The following PTPRG variants were observed in gnomAD, a reference collection of about 807,000 sequenced individuals.
PTPRG encodes the protein protein tyrosine phosphatase receptor type G, also known as receptor-type tyrosine-protein phosphatase gamma.
PTPRG carries 102 observed loss-of-function variants against 165.3 expected under a neutral mutation model. The ratio of observed to expected loss-of-function variants is 0.62; its 90% CI spans 0.53 to 0.73. The LOEUF (loss-of-function observed/expected upper bound fraction) is 0.73, where lower values mean the gene tolerates loss of function less well. Ranked by LOEUF, PTPRG falls within the 30% of genes least tolerant of loss-of-function variation. PTPRG has a pLI of 0.00. For synonymous variants in PTPRG, 675 were observed against 669.5 expected, an observed-to-expected ratio of 1.01 and a Z score of -0.13; for missense variants, 1,866 against 1,861.4, an observed-to-expected ratio of 1.00 and a Z score of -0.05.
intron 6 of PTPRG, among the ~76,000 whole-genome samples, chr3:62,135,828 A>G (rs1703688907): frequency 6.6e-6 from 1 of 152,170 alleles, no homozygotes; most frequent in East Asian, 1.9e-4. Context: ...GGCAGCTGTA[A>G]GGAAGTCTTT....
chr3:61,898,175 C>G (rs1001203588), intron 2 of PTPRG, among the ~76,000 whole-genome samples: 2 of 152,176 alleles, frequency 1.3e-5, no homozygotes, highest in African/African-American at 4.8e-5. Context: ...AGTATGCTAG[C>G]TATACTTACG....
intron 2 of PTPRG, among the ~76,000 whole-genome samples, chr3:61,886,464 T>C (rs1461860973): frequency 1.3e-5 from 2 of 152,206 alleles, no homozygotes; most frequent in Admixed American, 6.5e-5. Flanking sequence ...ATCGTTGCAC[T>C]GATCAGTGAC....
intron 1 of PTPRG, among the ~76,000 whole-genome samples, chr3:61,641,670 C>A (rs1702066018): frequency 6.6e-6 from 1 of 152,088 alleles, no homozygotes; most frequent in African/African-American, 2.4e-5. Context: ...TATATAGAAA[C>A]CTAATCCAGG....
At chr3:62,033,833 CCT>C (rs1699853692) in intron 4 of PTPRG, among the ~76,000 whole-genome samples, 1 of 151,818 alleles carries the variant, frequency 6.6e-6, no homozygotes, top group African/African-American at 2.4e-5. Context: ...AGTGGTGTGA[CCT>C]CAGCTCACTG....
At chr3:61,877,722 A>G (rs929060630) in intron 2 of PTPRG, among the ~76,000 whole-genome samples, 1 of 152,244 alleles carries the variant, frequency 6.6e-6, no homozygotes, top group Non-Finnish European at 1.5e-5. Context: ...ATGACAGTAA[A>G]AAGGAGAAAA....
intron 2 of PTPRG, among the ~76,000 whole-genome samples, chr3:61,844,734 C>G (rs1333539788): frequency 6.6e-6 from 1 of 151,850 alleles, no homozygotes; most frequent in East Asian, 1.9e-4. Flanking sequence ...AACTCCTGGC[C>G]TCAAGCAGTC....
intron 2 of PTPRG, among the ~76,000 whole-genome samples, chr3:61,804,241 A>C (rs1362896575): frequency 3.3e-5 from 5 of 152,156 alleles, no homozygotes; most frequent in Non-Finnish European, 7.4e-5. Context: ...ATTGTTGTTT[A>C]AGATTGATGG....
intron 5 of PTPRG, among the ~76,000 whole-genome samples, chr3:62,112,231 A>G (rs1702694824): frequency 6.6e-6 from 1 of 151,964 alleles, no homozygotes. Flanking sequence ...CAGCCTCCTG[A>G]GTAGCTGGGA....
At chr3:61,573,477 G>T (rs1700106450) in intron 1 of PTPRG, among the ~76,000 whole-genome samples, 1 of 152,136 alleles carries the variant, frequency 6.6e-6, no homozygotes, top group South Asian at 2.1e-4. Context: ...GTACAATAGA[G>T]TGGCTAGCTT....
chr3:62,109,105 A>G (rs1383877840), intron 5 of PTPRG, among the ~76,000 whole-genome samples: 2 of 152,222 alleles, frequency 1.3e-5, no homozygotes, highest in African/African-American at 4.8e-5. Context: ...TGTTTTAGAC[A>G]TGAAGTCTTT....
chr3:61,644,916 C>T (rs1043568075), intron 1 of PTPRG, among the ~76,000 whole-genome samples: 8 of 152,254 alleles, frequency 5.3e-5, no homozygotes, highest in South Asian at 2.1e-4. Flanking sequence ...GCTTTATGGT[C>T]GACATAACCC....
intron 1 of PTPRG, among the ~76,000 whole-genome samples, chr3:61,665,896 T>C (rs2107045537): frequency 6.6e-6 from 1 of 152,296 alleles, no homozygotes; most frequent in East Asian, 1.9e-4. Context: ...TGGAATTTTA[T>C]GTATGAATTT....
At chr3:62,081,669 A>G (rs958361135) in intron 5 of PTPRG, among the ~76,000 whole-genome samples, 16 of 152,178 alleles carry the variant, frequency 1.1e-4, no homozygotes, top group Non-Finnish European at 2.2e-4. Flanking sequence ...GTAAGCACAC[A>G]CGTGCTTATA....
intron 2 of PTPRG, among the ~76,000 whole-genome samples, chr3:61,886,983 A>G (rs1285950900): frequency 6.6e-6 from 1 of 151,400 alleles, no homozygotes; most frequent in East Asian, 2.0e-4. Flanking sequence ...TGGACGATCA[A>G]GCAAACCAGT....
chr3:61,964,026 C>T (rs1463104459), intron 2 of PTPRG, among the ~76,000 whole-genome samples: 1 of 152,132 alleles, frequency 6.6e-6, no homozygotes, highest in Non-Finnish European at 1.5e-5. Context: ...CTATGCAGTA[C>T]CTAGCAGCAG....
chr3:62,016,433 C>T (rs575411966), intron 4 of PTPRG, among the ~76,000 whole-genome samples: 3 of 152,052 alleles, frequency 2.0e-5, no homozygotes, highest in South Asian at 2.1e-4. Context: ...CCCAAAGTGC[C>T]GGGATTACAG....
intron 26 of PTPRG, 107 bp from the exon 27 acceptor site, chr3:62,281,456 A>T: frequency 2.0e-6 from 2 of 1,002,008 alleles, no homozygotes; most frequent in Non-Finnish European, 2.9e-6. Context: ...AATTCAGTTT[A>T]AACGATGGCT....
chr3:62,228,702 C>G lies in PTPRG; in HGVS notation c.2289-2523C>G, dbSNP rs1700824388. On this transcript the variant is annotated intron_variant, in intron 13 of 29. Transcript: ENST00000474889. The surrounding 1 kb of genome is among the most constrained non-coding windows in gnomAD (Gnocchi z 4.1). ...CACTGTTAACGGGTAGAATCAGATTCTTTTCTGGAAGATTCTACATGTACA... is the reference window on the plus strand; with the variant it reads ...CACTGTTAACGGGTAGAATCAGATTGTTTTCTGGAAGATTCTACATGTACA... Among the ~76,000 whole-genome samples, 1 of 152,126 alleles carries G rather than the reference C, an allele frequency of 6.6e-6. No homozygotes were observed. The highest frequency in any genetic ancestry group is 2.1e-4 in the South Asian group (1 of 4,822).
intron 4 of PTPRG, among the ~76,000 whole-genome samples, chr3:62,044,043 C>G (rs1455266609): frequency 2.0e-5 from 3 of 152,162 alleles, no homozygotes; most frequent in African/African-American, 4.8e-5. Flanking sequence ...AGTCAGCACC[C>G]TCTTTGGAGC....
Sources: allele counts gnomAD v4.1 joint callset (sites outside exome capture counted in the v4.1 genomes callset), GRCh38; gene constraint gnomAD v4.1.1; non-coding constraint Gnocchi (gnomAD v3.1); transcripts MANE v1.5; gene names NCBI Gene and HGNC (gene_info 2026-07-23, HGNC 2026-07-21).